MAP3K20: variants seen among roughly 807,000 people sequenced by gnomAD.
MAP3K20 encodes the protein HCCS-4.
MAP3K20 carries 40 observed loss-of-function variants against 85.7 expected under a neutral mutation model. The ratio of observed to expected loss-of-function variants is 0.47; its 90% CI spans 0.36 to 0.61. The LOEUF is 0.61. Among genes scored for constraint, MAP3K20 ranks in the 20% least tolerant of loss-of-function variants. The pLI is 0.00. For synonymous variants in MAP3K20, 325 were observed against 327.7 expected (o/e 0.99, Z 0.09); for missense variants, 817 against 961.7 (o/e 0.85, Z 1.99).
chr2:173,135,233 T>C (rs1467507979), intron 2 of MAP3K20, among the ~76,000 whole-genome samples: 1 of 152,230 alleles, frequency 6.6e-6, no homozygotes, highest in Non-Finnish European at 1.5e-5. Context: ...TTAATTCTTG[T>C]AGAGTTAAAT....
At chr2:173,192,743 T>G (rs1473570481) in intron 7 of MAP3K20, among the ~76,000 whole-genome samples, 1 of 152,234 alleles carries the variant, frequency 6.6e-6, no homozygotes, top group African/African-American at 2.4e-5. Flanking sequence ...AAGATTGTTT[T>G]CTCTTGTGAA....
chr2:173,238,753 T>C (rs1267904868), intron 15 of MAP3K20, among the ~76,000 whole-genome samples: 4 of 152,202 alleles, frequency 2.6e-5, no homozygotes, highest in African/African-American at 9.7e-5. Flanking sequence ...AACATGTAAG[T>C]CACTGAGAGA....
At chr2:173,092,989 T>TTTTC (rs1255426183) in intron 2 of MAP3K20, among the ~76,000 whole-genome samples, 2 of 152,058 alleles carry the variant, frequency 1.3e-5, no homozygotes, top group African/African-American at 2.4e-5. Flanking sequence ...CATAAACCTG[T>TTTTC]AGGTAGGAAA....
chr2:173,243,445 A>G (rs1271778111), intron 16 of MAP3K20, among the ~76,000 whole-genome samples: 1 of 152,110 alleles, frequency 6.6e-6, no homozygotes, highest in East Asian at 1.9e-4. Context: ...TTTTGAGGGG[A>G]CTTCACGACT....
intron 2 of MAP3K20, among the ~76,000 whole-genome samples, chr2:173,140,876 TTGG>T (rs1688952156): frequency 2.0e-5 from 3 of 151,958 alleles, no homozygotes; most frequent in Admixed American, 1.3e-4. Context: ...CTGAATAAAG[TTGG>T]TGGATTGTGT....
intron 8 of MAP3K20, among the ~76,000 whole-genome samples, chr2:173,202,938 G>C (rs1280139691): frequency 6.6e-6 from 1 of 152,180 alleles, no homozygotes; most frequent in Admixed American, 6.5e-5. Context: ...GTGTTTATTT[G>C]TAAGTTAGAG....
chr2:173,220,066 T>TTAAAAAAAAAAAA, intron 11 of MAP3K20, among the ~76,000 whole-genome samples: 1 of 41,568 alleles, frequency 2.4e-5, no homozygotes, highest in Non-Finnish European at 4.6e-5. Context: ...AGACTCTGTC[T>TTAAAAAAAAAAAA]CAAAAAAAAA....
intron 16 of MAP3K20, 73 bp downstream of exon 16, chr2:173,239,569 T>C: frequency 7.6e-7 from 1 of 1,322,156 alleles, no homozygotes; most frequent in East Asian, 2.4e-5. Context: ...AACTCCATGG[T>C]TTTATACACC....
intron 2 of MAP3K20, among the ~76,000 whole-genome samples, chr2:173,113,568 C>T (rs1688034329): frequency 6.6e-6 from 1 of 152,098 alleles, no homozygotes; most frequent in South Asian, 2.1e-4. Context: ...TTGCTGTATC[C>T]TAAAGGTTTT....
intron 2 of MAP3K20, among the ~76,000 whole-genome samples, chr2:173,109,478 T>C (rs924343521): frequency 7.1e-6 from 1 of 140,918 alleles, no homozygotes; most frequent in Non-Finnish European, 1.6e-5. Flanking sequence ...ATTATGGTGG[T>C]TTTTTTTTTT....
chr2:173,165,137 T>C (rs531729982), intron 2 of MAP3K20, among the ~76,000 whole-genome samples: 4 of 152,040 alleles, frequency 2.6e-5, no homozygotes, highest in Non-Finnish European at 5.9e-5. Flanking sequence ...TTATGGAGAA[T>C]CTTAGAGCCT....
intron 7 of MAP3K20, among the ~76,000 whole-genome samples, chr2:173,194,678 AT>A (rs1690768205): frequency 6.6e-6 from 1 of 151,890 alleles, no homozygotes; most frequent in Non-Finnish European, 1.5e-5. Context: ...TAAATATCCC[AT>A]TGTTCATTGG....
chr2:173,171,780 G>A (rs1690007111), intron 3 of MAP3K20, among the ~76,000 whole-genome samples: 1 of 152,144 alleles, frequency 6.6e-6, no homozygotes, highest in Admixed American at 6.5e-5. Context: ...TGTAGAGCCA[G>A]TAAGTAAGCA....
intron 2 of MAP3K20, among the ~76,000 whole-genome samples, chr2:173,108,532 C>A (rs534881412): frequency 5.9e-5 from 9 of 152,316 alleles, no homozygotes; most frequent in African/African-American, 1.9e-4. Flanking sequence ...ATTGTTATAT[C>A]AGCTCATTAT....
chr2:173,122,924 G>A (rs937815714), intron 2 of MAP3K20, among the ~76,000 whole-genome samples: 4 of 152,080 alleles, frequency 2.6e-5, no homozygotes, highest in Non-Finnish European at 4.4e-5. Flanking sequence ...CATCTCCTGC[G>A]GTCTTACTGG....
At chr2:173,215,370 T>C (rs1455415763) in intron 10 of MAP3K20, among the ~76,000 whole-genome samples, 1 of 152,048 alleles carries the variant, frequency 6.6e-6, no homozygotes, top group African/African-American at 2.4e-5. Context: ...CCCTAAGGTT[T>C]TTCACGTTTT....
At chr2:173,093,897 C>A (rs1245613812) in intron 2 of MAP3K20, among the ~76,000 whole-genome samples, 2 of 149,940 alleles carry the variant, frequency 1.3e-5, no homozygotes, top group East Asian at 2.0e-4. Flanking sequence ...GAACAAAAAA[C>A]CAAACACCAC....
Position 173,266,270 on chromosome 2 carries a change from T to C in MAP3K20, c.1923T>C (p.Tyr641=). 3 of 1,614,150 alleles carry C rather than the reference T, an allele frequency of 1.9e-6. No individual in the cohort carries two copies. The highest frequency in any genetic ancestry group is 2.2e-5 in the South Asian group (2 of 91,088). ...CCAGAAGCTCGTCTCCTACTCAGTA[T>C]GGACTGACCAAAAACTTCTCTTCCC... The part of the protein sequence containing the change: ...NQSRSSSPTQ[Y]GLTKNFSSLH... The change falls in exon 20 of 20, where the codon TAT becomes TAC. Residue 641 remains tyrosine (Y), a synonymous_variant. Coordinates refer to ENST00000375213, the MANE Select transcript of MAP3K20 (RefSeq NM_016653.3).
intron 16 of MAP3K20, among the ~76,000 whole-genome samples, chr2:173,254,433 CAAAA>C (rs755879153): frequency 6.1e-5 from 4 of 65,990 alleles, no homozygotes; most frequent in Admixed American, 1.6e-4. Flanking sequence ...GACTTCGTCT[CAAAA>C]AAAAAAAAAA....
Sources: gnomAD v4.1 joint callset for allele counts (sites outside exome capture counted in the v4.1 genomes callset) on GRCh38, gnomAD v4.1.1 for gene constraint, MANE v1.5 for transcripts, NCBI Gene and HGNC (gene_info 2026-07-23, HGNC 2026-07-21) for gene names.